Variants in PRR14L observed in about 807,000 individuals in gnomAD.
The protein encoded by PRR14L is proline rich 14 like.
Under a neutral mutation model 155.0 loss-of-function variants are expected in PRR14L, and 80 were observed. The ratio of observed to expected loss-of-function variants is 0.52; its 90% CI spans 0.43 to 0.62. PRR14L has a LOEUF of 0.62. PRR14L is among the 20% of genes least tolerant of loss of function. The probability of loss-of-function intolerance (pLI) is 0.00; values close to 1 mark genes in which losing one functional copy is unlikely to be tolerated. For missense variants in PRR14L, 2,469 were observed against 2,548.0 expected (o/e 0.97, Z 0.67); for synonymous variants, 883 against 916.0 (o/e 0.96, Z 0.65).
intron 8 of PRR14L, among the ~76,000 whole-genome samples, chr22:31,687,125 C>G (rs1271665070): frequency 6.6e-6 from 1 of 151,948 alleles, no homozygotes; most frequent in Admixed American, 6.6e-5. Context: ...GCAACCTCCA[C>G]CCCCCGGGTT....
intron 2 of PRR14L, among the ~76,000 whole-genome samples, chr22:31,735,927 C>A (rs2074777724): frequency 6.6e-6 from 1 of 151,822 alleles, no homozygotes; most frequent in African/African-American, 2.4e-5. Flanking sequence ...GTGGCAGGCA[C>A]CTGTAGTCCC....
Position 31,717,182 on chromosome 22 carries a change from A to G in PRR14L, c.657T>C (p.Asn219=), listed in dbSNP as rs915833579. 19 of 1,552,132 alleles carry G rather than the reference A, an allele frequency of 1.2e-5. No individual in the cohort carries two copies. The highest frequency in any genetic ancestry group is 7.1e-5 in the South Asian group (6 of 84,062). ...ATCCAGCTGAGAGATCTTTACTCACATTGCCATTTTTGTGTCCTTCATTAT... is the reference window on the plus strand; with the variant it reads ...ATCCAGCTGAGAGATCTTTACTCACGTTGCCATTTTTGTGTCCTTCATTAT... ...TDNNEGHKNG[N]VSKDLSAGCG... is the part of the protein sequence containing the mutation. The change falls in exon 4 of 9, where the codon AAT becomes AAC. Residue 219 remains asparagine, a synonymous_variant. Transcript: ENST00000327423.
At chr22:31,705,502 T>C in intron 4 of PRR14L, among the ~76,000 whole-genome samples, 1 of 151,970 alleles carries the variant, frequency 6.6e-6, no homozygotes, top group East Asian at 2.0e-4. Flanking sequence ...GCCTCCCAAG[T>C]AGCTGGGACT....
Position 31,715,304 on chromosome 22 carries a change from GCTT to G in PRR14L, c.2532_2534del (p.Lys844_Ser845delinsAsn), listed in dbSNP as rs1186190673. 4 of 1,551,964 alleles carry G rather than the reference GCTT, an allele frequency of 2.6e-6. No homozygotes were observed. The African/African-American group carries it at 5.5e-5, about 21-fold the overall frequency. On this transcript the variant is annotated inframe_deletion, in exon 4 of 9. Coordinates refer to ENST00000327423, the MANE Select transcript of PRR14L (RefSeq NM_173566.3). The stretch of plus-strand genomic sequence containing the variant: ...GTGATGTGTAACTCACTTTACAGCT[GCTT>G]TTTTCCACAGAGTGTCCTGTTCCTT...
chr22:31,719,079 A>C (rs1015492778), intron 3 of PRR14L, among the ~76,000 whole-genome samples: 2 of 151,560 alleles, frequency 1.3e-5, no homozygotes, highest in African/African-American at 2.4e-5. Context: ...GTCTCAAAAA[A>C]CAAAGAACAA....
In PRR14L at chr22:31,713,496, G is replaced by A; in HGVS notation, c.4343C>T (p.Thr1448Ile). The A allele has an allele frequency of 6.4e-7, 1 of 1,552,028 alleles. No individual in the cohort carries two copies. Among genetic ancestry groups the A allele is most frequent in the Non-Finnish European group, 8.7e-7 (1 of 1,147,068 alleles). The part of the protein sequence containing the change: ...KDESTMINEI[T>I]LAKLAKDSIV... Reference sequence around the variant, plus strand: ...GCTGTCCTTGGCCAGCTTTGCTAGGGTGATTTCATTGATCATGGTGGACTC... The same window carrying A: ...GCTGTCCTTGGCCAGCTTTGCTAGGATGATTTCATTGATCATGGTGGACTC... The change falls in exon 4 of 9, where the codon ACC (threonine) becomes ATC (isoleucine). Residue 1448 changes from threonine to isoleucine, a missense_variant. Around this residue, in one of 2 missense-constraint regions of PRR14L, gnomAD observed 2,363 missense variants for 2,371.6 expected, o/e 1.00. Transcript: ENST00000327423.
chr22:31,745,942 T>A (rs1468181868), intron 1 of PRR14L, among the ~76,000 whole-genome samples: 1 of 147,456 alleles, frequency 6.8e-6, no homozygotes, highest in Non-Finnish European at 1.5e-5. Context: ...TATGTTGAAC[T>A]TTTTTTTTTG....
intron 4 of PRR14L, among the ~76,000 whole-genome samples, chr22:31,707,523 G>T (rs2074598595): frequency 6.6e-6 from 1 of 152,080 alleles, no homozygotes; most frequent in Non-Finnish European, 1.5e-5. Context: ...TGGGACTATA[G>T]GCATGTGCCA....
Position 31,713,283 on chromosome 22 carries a change from T to C in PRR14L, c.4556A>G (p.Lys1519Arg). Reference protein sequence around the residue: ...AFAKKGVLPLKKQPHRTCKKV... With the variant: ...AFAKKGVLPLRKQPHRTCKKV... ...CTTACAAGTTCGATGGGGCTGCTTCTTTAAGGGAAGAACTCCTTTCTTCGC... is the reference window on the plus strand; with the variant it reads ...CTTACAAGTTCGATGGGGCTGCTTCCTTAAGGGAAGAACTCCTTTCTTCGC... Residue 1519 changes from lysine (K) to arginine (R), a missense_variant, in exon 4 of 9, where the codon AAG becomes AGG. Lys to Arg is a conservative substitution (Grantham distance 26). This residue lies in a region of PRR14L where 2,363 missense variants were observed against 2,371.6 expected (regional missense o/e 1.00). Coordinates refer to ENST00000327423, the MANE Select transcript of PRR14L (RefSeq NM_173566.3). 6.4e-7 allele frequency: 1 copy of C among 1,552,264 alleles called. No homozygotes were observed. The highest frequency in any genetic ancestry group is 8.7e-7 in the Non-Finnish European group (1 of 1,147,118).
At chr22:31,733,310 T>TTTTTG (rs1556481020) in intron 2 of PRR14L, among the ~76,000 whole-genome samples, 9 of 142,200 alleles carry the variant, frequency 6.3e-5, no homozygotes, top group African/African-American at 2.4e-4. Flanking sequence ...TTTTTTTTTT[T>TTTTTG]TTTTTTTTTT....
At chr22:31,704,490 C>T (rs992635300) in intron 5 of PRR14L, 165 bp downstream of exon 5, 3 of 440,834 alleles carry the variant, frequency 6.8e-6, no homozygotes, top group Non-Finnish European at 1.2e-5. Flanking sequence ...TGTAATAGAA[C>T]AGATTTCAAT....
chr22:31,688,901 TAC>T (rs149232375), intron 7 of PRR14L, among the ~76,000 whole-genome samples: 4,350 of 147,642 alleles, frequency 0.029, 79 homozygotes, highest in Non-Finnish European at 0.042. Flanking sequence ...AATATATACA[TAC>T]ACACACACAC....
chr22:31,729,265 G>A (rs1450939960), intron 2 of PRR14L, among the ~76,000 whole-genome samples: 1 of 152,182 alleles, frequency 6.6e-6, no homozygotes, highest in Non-Finnish European at 1.5e-5. Flanking sequence ...AGGCTGGAAT[G>A]TAGTGGCACA....
intron 4 of PRR14L, among the ~76,000 whole-genome samples, chr22:31,709,533 GTTTTTTTTTTTT>G (rs35320368): frequency 1.1e-5 from 1 of 88,546 alleles, no homozygotes; most frequent in Non-Finnish European, 2.2e-5. Flanking sequence ...CGCCTGTGGG[GTTTTTTTTTTTT>G]TTTTTTTTTT....
intron 4 of PRR14L, among the ~76,000 whole-genome samples, chr22:31,709,529 T>G (rs2074609559): frequency 3.9e-5 from 5 of 129,268 alleles, no homozygotes; most frequent in Non-Finnish European, 3.3e-5. Flanking sequence ...CAGACGCCTG[T>G]GGGGTTTTTT....
chr22:31,687,798 C>A (rs903167253), intron 8 of PRR14L, among the ~76,000 whole-genome samples: 1 of 151,162 alleles, frequency 6.6e-6, no homozygotes, highest in African/African-American at 2.4e-5. Flanking sequence ...AATCCCAGCA[C>A]TTTGGGAGGC....
intron 2 of PRR14L, among the ~76,000 whole-genome samples, chr22:31,736,590 C>T (rs5994427): frequency 0.31 from 47,480 of 151,948 alleles, 8,423 homozygotes; most frequent in African/African-American, 0.49. Flanking sequence ...ACATATGAAC[C>T]TGATGGTGGG....
In PRR14L at chr22:31,713,217, A is replaced by G; in HGVS notation, c.4622T>C (p.Ile1541Thr). The change falls in exon 4 of 9, where the codon ATA becomes ACA. Residue 1541 changes from isoleucine (I) to threonine (T), a missense_variant. Physicochemically the swap from Ile to Thr is moderately conservative, Grantham distance 89 (BLOSUM62 -1). Around this residue, in one of 2 missense-constraint regions of PRR14L, gnomAD observed 2,363 missense variants for 2,371.6 expected, o/e 1.00. Coordinates refer to ENST00000327423, the MANE Select transcript of PRR14L (RefSeq NM_173566.3). Reference sequence around the variant, plus strand: ...AAAGGCAGAACTTCTGATTTTACCTATTTTTCTCCCAACAATGATTTGCTC... The same window carrying G: ...AAAGGCAGAACTTCTGATTTTACCTGTTTTTCTCCCAACAATGATTTGCTC... ...YQEQIIVGRK[I>T]GKIRSSAFLK... is the part of the protein sequence containing the mutation. 6.4e-7 allele frequency: 1 copy of G among 1,551,766 alleles called. No individual in the cohort carries two copies. Among genetic ancestry groups the G allele is most frequent in the Non-Finnish European group, 8.7e-7 (1 of 1,147,010 alleles).
chr22:31,722,857 A>G (rs1478847738), intron 3 of PRR14L, among the ~76,000 whole-genome samples: 1 of 152,160 alleles, frequency 6.6e-6, no homozygotes, highest in African/African-American at 2.4e-5. Flanking sequence ...TTAATTCCAC[A>G]GTAAAGATAA....
Sources: allele counts gnomAD v4.1 joint callset (sites outside exome capture counted in the v4.1 genomes callset), GRCh38; gene constraint gnomAD v4.1.1; regional missense constraint gnomAD v4.1.1; transcripts MANE v1.5; gene names NCBI Gene and HGNC (gene_info 2026-07-23, HGNC 2026-07-21).